Variants in EBF2 observed in about 807,000 individuals in gnomAD.
EBF2 encodes the protein EBF transcription factor 2, also known as transcription factor COE2.
A neutral mutation model predicts 72.8 loss-of-function variants in EBF2; 21 were observed. The ratio of observed to expected loss-of-function variants is 0.29; its 90% CI spans 0.20 to 0.42. EBF2 has a LOEUF of 0.42. Ranked by LOEUF, EBF2 falls within the 10% of genes least tolerant of loss-of-function variation. The pLI is 1.00. For missense variants in EBF2, 637 were observed against 731.2 expected (o/e 0.87, Z 1.49); for synonymous variants, 299 against 274.2 (o/e 1.09, Z -0.89).
intron 7 of EBF2, 24 bp from the exon 8 acceptor site, chr8:25,889,893 G>A (rs778932243): frequency 8.2e-6 from 13 of 1,593,064 alleles, no homozygotes; most frequent in African/African-American, 1.3e-5. Flanking sequence ...GTAAAAAGGA[G>A]AAAGGGGGTG....
At chr8:25,952,301 A>G (rs1803876471) in intron 6 of EBF2, among the ~76,000 whole-genome samples, 1 of 152,082 alleles carries the variant, frequency 6.6e-6, no homozygotes, top group South Asian at 2.1e-4. Flanking sequence ...GTATGTTCAC[A>G]TGCCTGTTGG....
chr8:26,024,819 CACA>C (rs1447312532), intron 6 of EBF2, among the ~76,000 whole-genome samples: 3 of 152,098 alleles, frequency 2.0e-5, no homozygotes, highest in Admixed American at 6.6e-5. Flanking sequence ...ATGTATTTAG[CACA>C]ACAACTTAAG....
intron 10 of EBF2, among the ~76,000 whole-genome samples, chr8:25,881,488 A>G (rs1802604619): frequency 6.6e-6 from 1 of 152,154 alleles, no homozygotes; most frequent in African/African-American, 2.4e-5. Context: ...CAGGTTTGCA[A>G]TTCCTTGTTT....
At chr8:25,864,534 A>G (rs1802270269) in intron 10 of EBF2, among the ~76,000 whole-genome samples, 1 of 152,096 alleles carries the variant, frequency 6.6e-6, no homozygotes, top group Non-Finnish European at 1.5e-5. Context: ...ACAAATGTAT[A>G]TGTACACACC....
chr8:25,983,493 G>T (rs1447344214), intron 6 of EBF2, among the ~76,000 whole-genome samples: 2 of 152,166 alleles, frequency 1.3e-5, no homozygotes, highest in African/African-American at 4.8e-5. Context: ...TCCAGGCTCA[G>T]CGCTGCCTCC....
intron 9 of EBF2, among the ~76,000 whole-genome samples, chr8:25,887,091 G>T (rs944049715): frequency 2.0e-5 from 3 of 150,074 alleles, no homozygotes; most frequent in Non-Finnish European, 4.4e-5. Context: ...CTGTCTGTCT[G>T]TCCCTCTCTC....
At chr8:25,961,028 C>A (rs1804026225) in intron 6 of EBF2, among the ~76,000 whole-genome samples, 1 of 152,052 alleles carries the variant, frequency 6.6e-6, no homozygotes, top group Non-Finnish European at 1.5e-5. Context: ...AAAACACACC[C>A]CAAGGCTCTG....
chr8:25,874,963 G>A (rs1157267621), intron 10 of EBF2, among the ~76,000 whole-genome samples: 1 of 150,250 alleles, frequency 6.7e-6, no homozygotes, highest in Admixed American at 6.7e-5. Flanking sequence ...TGGAATTTCA[G>A]GGGGGAACCA....
At chr8:25,914,864 A>G (rs1008550550) in intron 6 of EBF2, among the ~76,000 whole-genome samples, 1 of 152,248 alleles carries the variant, frequency 6.6e-6, no homozygotes, top group African/African-American at 2.4e-5. Context: ...TTCCTAAGGC[A>G]GGGACTTATT....
intron 6 of EBF2, among the ~76,000 whole-genome samples, chr8:25,915,749 G>T (rs1803204287): frequency 6.6e-6 from 1 of 152,042 alleles, no homozygotes; most frequent in Admixed American, 6.6e-5. Flanking sequence ...ACATTTTTTG[G>T]GAATCAAGTC....
intron 6 of EBF2, among the ~76,000 whole-genome samples, chr8:25,941,880 T>C (rs553569754): frequency 1.3e-5 from 2 of 152,354 alleles, no homozygotes; most frequent in East Asian, 3.9e-4. Context: ...AAGGGAACCA[T>C]TCCCATTCCT....
At chr8:25,994,907 T>C (rs1449981370) in intron 6 of EBF2, among the ~76,000 whole-genome samples, 3 of 152,070 alleles carry the variant, frequency 2.0e-5, no homozygotes, top group Non-Finnish European at 4.4e-5. Context: ...AATGTGCACA[T>C]GCACCCTCTG....
At chr8:26,005,987 C>T (rs1373561205) in intron 6 of EBF2, among the ~76,000 whole-genome samples, 1 of 151,930 alleles carries the variant, frequency 6.6e-6, no homozygotes, top group Non-Finnish European at 1.5e-5. Flanking sequence ...AACTCTGCTC[C>T]CTCCCCAGCG....
intron 10 of EBF2, among the ~76,000 whole-genome samples, chr8:25,873,933 C>T (rs1030271271): frequency 1.1e-4 from 17 of 152,122 alleles, no homozygotes; most frequent in South Asian, 6.2e-4. Context: ...GGGCTAACAA[C>T]GGAGACATCA....
intron 6 of EBF2, among the ~76,000 whole-genome samples, chr8:26,012,092 T>C (rs17817999): frequency 0.15 from 22,329 of 152,192 alleles, 1,760 homozygotes; most frequent in Non-Finnish European, 0.18. Flanking sequence ...ATGCCCTGTT[T>C]ATTTTTTCAC....
At chr8:25,908,349 G>T in intron 7 of EBF2, 125 bp downstream of exon 7, 1 of 700,478 alleles carries the variant, frequency 1.4e-6, no homozygotes. Flanking sequence ...GTTTACCATT[G>T]TCTTTTTTAT....
intron 6 of EBF2, among the ~76,000 whole-genome samples, chr8:26,029,984 T>G (rs1805371992): frequency 6.6e-6 from 1 of 152,084 alleles, no homozygotes. Context: ...CGATCACAGT[T>G]CTCTGCAGCC....
chr8:26,026,289 T>A lies in EBF2; in HGVS notation c.551+6796A>T, dbSNP rs114246801. Among the ~76,000 whole-genome samples, 1,170 of 152,240 alleles carry A rather than the reference T, an allele frequency of 7.7e-3. 17 individuals are homozygous for A. Among genetic ancestry groups the A allele is most frequent in the African/African-American group, 0.027 (1,118 of 41,518 alleles). ...TGGACAGAGAAGACATATATATTAA[T>A]AACTCCGGTAAATTATTGAGGAGCA... On this transcript the variant is annotated intron_variant, in intron 6 of 15. Transcript: ENST00000520164.
chr8:25,919,201 C>T (rs973239381), intron 6 of EBF2, among the ~76,000 whole-genome samples: 1 of 152,108 alleles, frequency 6.6e-6, no homozygotes, highest in African/African-American at 2.4e-5. Context: ...CATTTTGACT[C>T]CCAAAAATAA....
Sources: allele counts gnomAD v4.1 joint callset (sites outside exome capture counted in the v4.1 genomes callset), GRCh38; gene constraint gnomAD v4.1.1; transcripts MANE v1.5; gene names NCBI Gene and HGNC (gene_info 2026-07-23, HGNC 2026-07-21).